The following DNAH11 variants were observed in gnomAD, a reference collection of about 807,000 sequenced individuals.
DNAH11 encodes the protein dynein axonemal heavy chain 11, also known as axonemal beta dynein heavy chain 11.
DNAH11 carries 442 observed loss-of-function variants against 526.0 expected under a neutral mutation model. That is an observed-to-expected ratio of 0.84 (90% CI 0.78 to 0.91). The LOEUF (loss-of-function observed/expected upper bound fraction) is 0.91, where lower values mean the gene tolerates loss of function less well. DNAH11 is among the 40% of genes least tolerant of loss of function. The probability of loss-of-function intolerance (pLI) is 0.00; values close to 1 mark genes in which losing one functional copy is unlikely to be tolerated. For synonymous variants in DNAH11, 2,461 were observed against 1,935.9 expected, an observed-to-expected ratio of 1.27 and a Z score of -7.12; for missense variants, 6,989 against 5,448.7, an observed-to-expected ratio of 1.28 and a Z score of -8.90.
intron 34 of DNAH11, 43 bp downstream of exon 34, chr7:21,687,570 A>G (rs1783434552): frequency 1.3e-6 from 2 of 1,592,618 alleles, no homozygotes; most frequent in Non-Finnish European, 1.7e-6. Flanking sequence ...ATAGAAAAAC[A>G]TGGAATAATG....
chr7:21,584,454 G>C (rs563166440), intron 9 of DNAH11, among the ~76,000 whole-genome samples: 2 of 152,248 alleles, frequency 1.3e-5, no homozygotes, highest in African/African-American at 2.4e-5. Context: ...GGGAGAGGTA[G>C]CATTAGGAGA....
At chr7:21,581,335 C>T (rs144083307) in intron 8 of DNAH11, among the ~76,000 whole-genome samples, 47 of 152,240 alleles carry the variant, frequency 3.1e-4, no homozygotes, top group Admixed American at 9.2e-4. Flanking sequence ...GGATGCTAAA[C>T]GCACGCTAAT....
rs781511915 is a variant in DNAH11 at position 21,901,156 on chromosome 7, C to G, written c.13453C>G (p.Leu4485Val). The stretch of plus-strand genomic sequence containing the variant: ...CGAGTGCCCTGTGTATAGAACCAAA[C>G]TGAGAGGCCCCAGCTACATCTGGAC... Reference protein sequence around the residue: ...TYECPVYRTKLRGPSYIWTFR... With the variant: ...TYECPVYRTKVRGPSYIWTFR... The change falls in exon 82 of 82, where the codon CTG (leucine) becomes GTG (valine). Residue 4485 changes from leucine to valine, a missense_variant. Coordinates refer to ENST00000409508, the MANE Select transcript of DNAH11 (RefSeq NM_001277115.2). 1 of 1,612,784 alleles carries G rather than the reference C, an allele frequency of 6.2e-7. No individual in the cohort carries two copies. The highest frequency in any genetic ancestry group is 1.7e-5 in the Admixed American group (1 of 59,920).
chr7:21,657,634 A>G (rs1033178334), intron 29 of DNAH11, among the ~76,000 whole-genome samples: 1 of 152,144 alleles, frequency 6.6e-6, no homozygotes, highest in Non-Finnish European at 1.5e-5. Flanking sequence ...TAATGAGGGA[A>G]CTTGTTGCTT....
intron 8 of DNAH11, among the ~76,000 whole-genome samples, chr7:21,574,936 A>G (rs1784029954): frequency 8.8e-6 from 1 of 114,084 alleles, no homozygotes. Flanking sequence ...GTGCAGTGGC[A>G]TGATCTCAGC....
Position 21,748,608 on chromosome 7 carries a change from C to A in DNAH11, c.8539C>A (p.Pro2847Thr). 6.2e-7 allele frequency: 1 copy of A among 1,607,216 alleles called. No individual in the cohort carries two copies. The highest frequency in any genetic ancestry group is 1.7e-5 in the Admixed American group (1 of 59,428). Residue 2847 changes from proline to threonine, a missense_variant, in exon 52 of 82, where the codon CCT becomes ACT. Pro to Thr is a conservative substitution (Grantham distance 38). Coordinates refer to ENST00000409508, the MANE Select transcript of DNAH11 (RefSeq NM_001277115.2). Reference protein sequence around the residue: ...VCRISRILRTPQGCALLVGVG... With the variant: ...VCRISRILRTTQGCALLVGVG... ...TCGCATCAGCCGGATCTTACGAACC[C>A]CTCAGGGCTGTGCTCTCTTGGTTGG...
intron 30 of DNAH11, among the ~76,000 whole-genome samples, chr7:21,660,029 T>C (rs1361579572): frequency 6.6e-6 from 1 of 152,096 alleles, no homozygotes; most frequent in Non-Finnish European, 1.5e-5. Flanking sequence ...ATAAGGTAAT[T>C]GTTTCTATTT....
chr7:21,765,726 G>C (rs28689873), intron 55 of DNAH11, 137 bp downstream of exon 55: 4 of 1,225,358 alleles, frequency 3.3e-6, no homozygotes, highest in Admixed American at 6.0e-5. Flanking sequence ...ATCCTGATTT[G>C]TTTAAGATGC....
At chr7:21,711,667 C>A (rs780191624) in intron 41 of DNAH11, 45 bp from the exon 42 acceptor site, 17 of 1,586,324 alleles carry the variant, frequency 1.1e-5, no homozygotes, top group Non-Finnish European at 1.5e-5. Flanking sequence ...TGGATGTTTG[C>A]GGCATTGCTT....
chr7:21,765,420 C>G lies in DNAH11; in HGVS notation c.8941-8C>G, dbSNP rs1787131273. ...GCCTGTTTCTGCCTTGCCCCCATGT[C>G]TCCACAGATCATTTTGTGTTTCTCT... On this transcript the variant is annotated splice_region_variant and splice_polypyrimidine_tract_variant and intron_variant, in intron 54 of 81. Transcript: ENST00000409508. The G allele has an allele frequency of 6.2e-7, 1 of 1,613,558 alleles. No homozygotes were observed. The highest frequency in any genetic ancestry group is 8.5e-7 in the Non-Finnish European group (1 of 1,179,684).
rs542636914 is a variant in DNAH11, at chr7:21,588,159, G to A, written c.1806G>A (p.Glu602=). 1.5e-5 allele frequency: 25 copies of A among 1,613,350 alleles called. 1 individual carries two copies. In the African/African-American group the frequency reaches 3.1e-4, roughly 20 times the overall value. Residue 602 remains glutamate, a synonymous_variant, in exon 10 of 82, where the codon GAG becomes GAA. Transcript: ENST00000409508. Reference sequence around the variant, plus strand: ...CACTAGTGCATATGTTTAATACAGAGCTGGATGTGTGTAAGCAACTGTATA... The same window carrying A: ...CACTAGTGCATATGTTTAATACAGAACTGGATGTGTGTAAGCAACTGTATA... ...YSTLVHMFNT[E]LDVCKQLYNE...
chr7:21,763,339 C>G (rs1490840731), intron 54 of DNAH11, among the ~76,000 whole-genome samples: 1 of 10,692 alleles, frequency 9.4e-5, no homozygotes, highest in Non-Finnish European at 2.2e-4. Context: ...AAGACTGTCT[C>G]AAAAAAAAAA....
chr7:21,875,426 G>GT (rs1022437330), intron 74 of DNAH11, among the ~76,000 whole-genome samples: 3 of 151,906 alleles, frequency 2.0e-5, no homozygotes, highest in African/African-American at 7.3e-5. Flanking sequence ...TGTTTGTTTT[G>GT]TTTTTTTGGT....
chr7:21,798,171 A>T (rs1788800894), intron 61 of DNAH11, among the ~76,000 whole-genome samples: 1 of 152,176 alleles, frequency 6.6e-6, no homozygotes, highest in Non-Finnish European at 1.5e-5. Flanking sequence ...ATCTCAGCTC[A>T]TTACAAACTT....
intron 45 of DNAH11, among the ~76,000 whole-genome samples, chr7:21,734,884 A>G (rs1785536297): frequency 6.6e-6 from 1 of 151,332 alleles, no homozygotes; most frequent in African/African-American, 2.4e-5. Context: ...CAAAAAACTC[A>G]CAATCAACCG....
At chr7:21,861,822 C>T in intron 68 of DNAH11, 31 bp from the exon 69 acceptor site, 2 of 1,608,410 alleles carry the variant, frequency 1.2e-6, no homozygotes, top group Non-Finnish European at 1.7e-6. Context: ...CACCAGTTGT[C>T]ACATTTTAAT....
chr7:21,780,490 T>C (rs1787896506), intron 57 of DNAH11, among the ~76,000 whole-genome samples: 1 of 152,052 alleles, frequency 6.6e-6, no homozygotes. Flanking sequence ...TTTTCAGGCA[T>C]TACACAAACA....
chr7:21,689,149 A>G (rs908481630), intron 34 of DNAH11, among the ~76,000 whole-genome samples: 32 of 152,282 alleles, frequency 2.1e-4, no homozygotes, highest in Middle Eastern at 6.8e-3. Flanking sequence ...GACCTGTCCC[A>G]TCTCTAAGGC....
intron 8 of DNAH11, among the ~76,000 whole-genome samples, chr7:21,574,227 G>A (rs1471960552): frequency 6.6e-6 from 1 of 152,138 alleles, no homozygotes; most frequent in African/African-American, 2.4e-5. Flanking sequence ...TCTTTCTGTG[G>A]TGTTTCTTGA....
Sources: allele counts gnomAD v4.1 joint callset (sites outside exome capture counted in the v4.1 genomes callset), GRCh38; gene constraint gnomAD v4.1.1; transcripts MANE v1.5; gene names NCBI Gene and HGNC (gene_info 2026-07-23, HGNC 2026-07-21).